The following TCF7L1 variants were observed in gnomAD, a reference collection of about 807,000 sequenced individuals.
TCF7L1 encodes transcription factor 7-like 1.
In TCF7L1, 18 loss-of-function variants were observed where a neutral mutation model predicts 63.7. The ratio of observed to expected loss-of-function variants is 0.28; its 90% CI spans 0.20 to 0.42. The LOEUF (loss-of-function observed/expected upper bound fraction) is 0.42, where lower values mean the gene tolerates loss of function less well. TCF7L1 is among the 10% of genes least tolerant of loss of function. TCF7L1 has a pLI of 1.00. For missense variants in TCF7L1, 654 were observed against 779.3 expected, an observed-to-expected ratio of 0.84 and a Z score of 1.91; for synonymous variants, 355 against 340.9, an observed-to-expected ratio of 1.04 and a Z score of -0.46.
At chr2:85,203,556 G>C (rs531107513) in intron 3 of TCF7L1, among the ~76,000 whole-genome samples, 69 of 152,112 alleles carry the variant, frequency 4.5e-4, no homozygotes, top group Admixed American at 7.9e-4. Flanking sequence ...GCAAGACCCT[G>C]TCTCTACAAA....
intron 5 of TCF7L1, 64 bp from the exon 6 acceptor site, chr2:85,303,831 G>A: frequency 7.9e-7 from 1 of 1,265,782 alleles, no homozygotes; most frequent in Non-Finnish European, 1.1e-6. Context: ...GCTCCCATTT[G>A]ATGTTCGTTA....
At chr2:85,207,184 G>A (rs1319957166) in intron 3 of TCF7L1, among the ~76,000 whole-genome samples, 2 of 152,150 alleles carry the variant, frequency 1.3e-5, no homozygotes, top group African/African-American at 4.8e-5. Flanking sequence ...TATAAATCTT[G>A]TAAATAAAGT....
At chr2:85,167,880 A>T (rs940556797) in intron 3 of TCF7L1, among the ~76,000 whole-genome samples, 1 of 152,152 alleles carries the variant, frequency 6.6e-6, no homozygotes, top group East Asian at 1.9e-4. Flanking sequence ...ATAAACAAGG[A>T]GAAGGAAATC....
In TCF7L1 at chr2:85,134,154, T is replaced by TC; in HGVS notation, c.313+80dup. The stretch of plus-strand genomic sequence containing the variant: ...GCTGCTCAGCCCGGGCGGCCCACCG[T>TC]CCCCCTTGCTTGGGTGGACGCACCC... On this transcript the variant is annotated intron_variant, in intron 2 of 11. Transcript: ENST00000282111. The surrounding 1 kb of genome is among the most constrained non-coding windows in gnomAD (Gnocchi z 5.0). 6.4e-7 allele frequency: 1 copy of TC among 1,565,106 alleles called. No homozygotes were observed. The highest frequency in any genetic ancestry group is 1.2e-5 in the South Asian group (1 of 85,810).
intron 3 of TCF7L1, among the ~76,000 whole-genome samples, chr2:85,181,544 G>A (rs1488262921): frequency 2.0e-5 from 3 of 152,146 alleles, no homozygotes; most frequent in South Asian, 2.1e-4. Flanking sequence ...AGCACACACA[G>A]GGAACCCCAG....
At chr2:85,229,447 G>A (rs902677236) in intron 3 of TCF7L1, among the ~76,000 whole-genome samples, 3 of 152,232 alleles carry the variant, frequency 2.0e-5, no homozygotes, top group Middle Eastern at 3.2e-3. Flanking sequence ...CTAAAGAGAT[G>A]GAGAGAGAAA....
intron 3 of TCF7L1, among the ~76,000 whole-genome samples, chr2:85,217,368 C>T (rs1328975660): frequency 6.6e-6 from 1 of 152,182 alleles, no homozygotes; most frequent in Non-Finnish European, 1.5e-5. Context: ...GGTGTTTCTA[C>T]ACTCTTTAAT....
intron 3 of TCF7L1, among the ~76,000 whole-genome samples, chr2:85,211,346 A>G (rs1679536566): frequency 1.3e-5 from 2 of 152,322 alleles, no homozygotes; most frequent in South Asian, 4.1e-4. Flanking sequence ...TTTCGGTCAG[A>G]GACTTAACCT....
At chr2:85,284,523 A>T (rs17026157) in intron 4 of TCF7L1, among the ~76,000 whole-genome samples, 8,382 of 152,200 alleles carry the variant, frequency 0.055, 528 homozygotes, top group African/African-American at 0.14. Context: ...CCCAAAGCTG[A>T]TAAGAGATGC....
In TCF7L1 at chr2:85,134,318, C is replaced by A; in HGVS notation, c.314-5C>A. 1 of 1,580,876 alleles carries A rather than the reference C, an allele frequency of 6.3e-7. No homozygotes were observed. The highest frequency in any genetic ancestry group is 8.6e-7 in the Non-Finnish European group (1 of 1,162,808). The stretch of plus-strand genomic sequence containing the variant: ...GGCCTCACCTCGCCTTGGTCTTGTT[C>A]GCAGTGAGAAGGCCTCAGGACAGCG... On this transcript the variant is annotated splice_region_variant and splice_polypyrimidine_tract_variant and intron_variant, in intron 2 of 11. Coordinates refer to ENST00000282111, the MANE Select transcript of TCF7L1 (RefSeq NM_031283.3). This position sits in a 1 kb window ranked among gnomAD's most constrained non-coding sequence, Gnocchi z 5.0.
chr2:85,201,839 CCTTT>C (rs1197006711), intron 3 of TCF7L1, among the ~76,000 whole-genome samples: 1 of 152,072 alleles, frequency 6.6e-6, no homozygotes, highest in South Asian at 2.1e-4. Context: ...GTTTGGTTTA[CCTTT>C]TCCTGATGGC....
intron 3 of TCF7L1, among the ~76,000 whole-genome samples, chr2:85,276,199 G>A (rs1029656085): frequency 6.6e-6 from 1 of 152,190 alleles, no homozygotes; most frequent in African/African-American, 2.4e-5. Flanking sequence ...AAGCTTTTCT[G>A]TCTCCCTATT....
chr2:85,154,989 G>A (rs1678111961), intron 3 of TCF7L1, among the ~76,000 whole-genome samples: 1 of 152,076 alleles, frequency 6.6e-6, no homozygotes, highest in Admixed American at 6.5e-5. Flanking sequence ...GCTAATTTTT[G>A]TATTTTTAGT....
Position 85,172,490 on chromosome 2 carries a change from G to A in TCF7L1, c.441+38040G>A, listed in dbSNP as rs547047761. On this transcript the variant is annotated intron_variant, in intron 3 of 11. Transcript: ENST00000282111. ...CGCCCAGGCTGGAGTGCAGTGGCGC[G>A]ATCTCGGCTCACAGCAACCTCTGCC... Among the ~76,000 whole-genome samples, 29 of 152,260 alleles carry A rather than the reference G, an allele frequency of 1.9e-4. No individual in the cohort carries two copies. In the East Asian group the frequency reaches 4.1e-3, roughly 21 times the overall value.
At chr2:85,168,796 A>G (rs532070431) in intron 3 of TCF7L1, among the ~76,000 whole-genome samples, 1 of 152,102 alleles carries the variant, frequency 6.6e-6, no homozygotes, top group Non-Finnish European at 1.5e-5. Flanking sequence ...TAATTTTTGT[A>G]TTTTAGTAGA....
intron 3 of TCF7L1, among the ~76,000 whole-genome samples, chr2:85,147,510 G>T (rs1677908980): frequency 6.6e-6 from 1 of 152,092 alleles, no homozygotes; most frequent in Non-Finnish European, 1.5e-5. Flanking sequence ...ACAGGGAGGG[G>T]ACTCCTGGCT....
At chr2:85,293,997 T>C (rs1681783537) in intron 4 of TCF7L1, among the ~76,000 whole-genome samples, 1 of 149,740 alleles carries the variant, frequency 6.7e-6, no homozygotes, top group Non-Finnish European at 1.5e-5. Context: ...GAGTTTCTGA[T>C]GGAATTTAGG....
intron 3 of TCF7L1, among the ~76,000 whole-genome samples, chr2:85,139,122 C>T (rs570037646): frequency 8.9e-4 from 135 of 152,178 alleles, no homozygotes; most frequent in African/African-American, 3.2e-3. Context: ...GATTCTCCTG[C>T]CTCAGCCTCC....
At chr2:85,135,113 A>G (rs1677560212) in intron 3 of TCF7L1, among the ~76,000 whole-genome samples, 1 of 152,158 alleles carries the variant, frequency 6.6e-6, no homozygotes, top group Non-Finnish European at 1.5e-5. Flanking sequence ...AAACCTGTTA[A>G]TGGGCGCGTA....
Sources: allele counts gnomAD v4.1 joint callset (sites outside exome capture counted in the v4.1 genomes callset), GRCh38; gene constraint gnomAD v4.1.1; non-coding constraint Gnocchi (gnomAD v3.1); transcripts MANE v1.5; gene names NCBI Gene and HGNC (gene_info 2026-07-23, HGNC 2026-07-21).